RECQL: variants seen among roughly 807,000 people sequenced by gnomAD.
RECQL encodes the protein RecQ like helicase.
RECQL carries 73 observed loss-of-function variants against 75.8 expected under a neutral mutation model. The observed-to-expected ratio is 0.96, with a 90% CI of 0.80 to 1.17. RECQL has a LOEUF of 1.17. RECQL is among the 50% of genes most tolerant of loss of function. RECQL has a pLI of 0.00. For synonymous variants in RECQL, 248 were observed against 254.4 expected (o/e 0.97, Z 0.24); for missense variants, 699 against 772.1 (o/e 0.91, Z 1.12).
rs1942879757 is a variant in RECQL at position 21,469,597 on chromosome 12, C to T, written c.*597G>A. 1 of 151,174 alleles carries T rather than the reference C, an allele frequency of 6.6e-6. No homozygotes were observed. Among genetic ancestry groups the T allele is most frequent in the Admixed American group, 6.6e-5 (1 of 15,054 alleles). 9.4% of individuals were successfully genotyped at this position (151,174 alleles called of 1,614,324 possible). A position where few individuals can be genotyped will look rare whatever the true frequency, so the allele number is the denominator to read the frequency against. Reference sequence around the variant, plus strand: ...AAAAATATAGCTAAGTATATAAAGGCATAAAAAACTTAAGACAATTACATG... The same window carrying T: ...AAAAATATAGCTAAGTATATAAAGGTATAAAAAACTTAAGACAATTACATG... On this transcript the variant is annotated 3_prime_UTR_variant, in exon 15 of 15. Coordinates refer to ENST00000444129, the MANE Select transcript of RECQL (RefSeq NM_002907.4).
Position 21,471,406 on chromosome 12 carries a change from TAATG to T in RECQL, c.1667+18_1667+21del, listed in dbSNP as rs756445784. The T allele has an allele frequency of 3.2e-6, 5 of 1,577,886 alleles. No individual in the cohort carries two copies. The highest frequency in any genetic ancestry group is 1.2e-5 in the South Asian group (1 of 86,416). Reference sequence around the variant, plus strand: ...AAACCATAAAGACAACCTGAAAGAATAATGAATGAGTTTGTACATACTTAAGATA... The same window carrying T: ...AAACCATAAAGACAACCTGAAAGAATAATGAGTTTGTACATACTTAAGATA... On this transcript the variant is annotated intron_variant, in intron 13 of 14. Coordinates refer to ENST00000444129, the MANE Select transcript of RECQL (RefSeq NM_002907.4).
chr12:21,488,728 T>C (rs1463034890), intron 4 of RECQL, among the ~76,000 whole-genome samples: 3 of 152,206 alleles, frequency 2.0e-5, no homozygotes, highest in Non-Finnish European at 4.4e-5. Context: ...CCAAGTCCCA[T>C]TGAATCTATC....
intron 11 of RECQL, among the ~76,000 whole-genome samples, chr12:21,474,173 T>G (rs1175212313): frequency 6.6e-6 from 1 of 152,098 alleles, no homozygotes; most frequent in Admixed American, 6.6e-5. Context: ...AATATTTGAG[T>G]TGAAACCTTA....
Position 21,471,716 on chromosome 12 carries a change from A to C in RECQL, c.1448-69T>G, listed in dbSNP as rs1166173348. On this transcript the variant is annotated intron_variant, in intron 12 of 14. Transcript: ENST00000444129. ...ATGAGGGCAAAGATAGGCTATCTTA[A>C]GTAGTTAAACTGGTTTAAAGCTGGT... is the stretch of plus-strand genomic sequence containing the variant. 4 of 1,268,334 alleles carry C rather than the reference A, an allele frequency of 3.2e-6. No homozygotes were observed. The African/African-American group carries it at 5.9e-5, about 19-fold the overall frequency. 78.6% of individuals were successfully genotyped at this position (1,268,334 alleles called of 1,614,324 possible).
chr12:21,496,504 A>G (rs1386714296), intron 2 of RECQL, among the ~76,000 whole-genome samples: 1 of 152,138 alleles, frequency 6.6e-6, no homozygotes, highest in African/African-American at 2.4e-5. Flanking sequence ...TTCCCTTTTC[A>G]TTCCACCAGA....
intron 5 of RECQL, 100 bp downstream of exon 5, chr12:21,486,379 T>C (rs573359208): frequency 2.0e-5 from 28 of 1,370,638 alleles, no homozygotes; most frequent in Admixed American, 3.1e-5. Flanking sequence ...CTGATATAAA[T>C]AGTTAACAGT....
intron 7 of RECQL, 86 bp downstream of exon 7, chr12:21,477,717 G>T: frequency 1.8e-6 from 2 of 1,134,556 alleles, no homozygotes; most frequent in Non-Finnish European, 2.5e-6. Context: ...GTACTTAACT[G>T]CTCATGTAAA....
chr12:21,473,728 G>T, intron 11 of RECQL, 86 bp from the exon 12 acceptor site: 1 of 1,066,702 alleles, frequency 9.4e-7, no homozygotes, highest in Non-Finnish European at 1.4e-6. Flanking sequence ...GTTATATACT[G>T]TATTAGCTTC....
At chr12:21,472,700 C>T (rs140293401) in intron 12 of RECQL, among the ~76,000 whole-genome samples, 189 of 152,100 alleles carry the variant, frequency 1.2e-3, no homozygotes, top group African/African-American at 4.3e-3. Flanking sequence ...TTGACCAGAT[C>T]CTGTTTTGAT....
At chr12:21,473,703 A>G in intron 11 of RECQL, 61 bp from the exon 12 acceptor site, 1 of 1,397,658 alleles carries the variant, frequency 7.2e-7, no homozygotes. Context: ...AAGAATCTCT[A>G]TTTCAGCTTA....
At chr12:21,491,865 T>C (rs1943421638) in intron 2 of RECQL, 149 bp from the exon 3 acceptor site, 1 of 711,990 alleles carries the variant, frequency 1.4e-6, no homozygotes, top group East Asian at 2.8e-5. Flanking sequence ...TTTTGAGTCA[T>C]ATAGACCTAA....
In RECQL at chr12:21,474,949, A is replaced by C; in HGVS notation, c.1247T>G (p.Leu416Trp). Residue 416 changes from leucine to tryptophan, a missense_variant, in exon 11 of 15, where the codon TTG becomes TGG. Leu to Trp is a moderately conservative substitution (Grantham distance 61). Around this residue, in one of 2 missense-constraint regions of RECQL, gnomAD observed 669 missense variants for 713.5 expected, o/e 0.94. Transcript: ENST00000444129. ...GAATATATCTCCAAAGCCGTAGTAC[A>C]AAATACAGTCTGCTTTCATGTCATC... is the stretch of plus-strand genomic sequence containing the variant. ...GRDDMKADCI[L>W]YYGFGDIFRI... 1 of 1,613,040 alleles carries C rather than the reference A, an allele frequency of 6.2e-7. No homozygotes were observed. Among genetic ancestry groups the C allele is most frequent in the South Asian group, 1.1e-5 (1 of 91,036 alleles).
rs1943303808 is a variant in RECQL at position 21,486,603 on chromosome 12, A to G, written c.395-18T>C. 1.9e-6 allele frequency: 3 copies of G among 1,560,346 alleles called. No individual in the cohort carries two copies. The highest frequency in any genetic ancestry group is 2.6e-6 in the Non-Finnish European group (3 of 1,155,612). On this transcript the variant is annotated intron_variant, in intron 4 of 14. Transcript: ENST00000444129. ...TGTAAAACCTAAAAGAGAAAAAAAA[A>G]AAAATCTACCTTAAACTTTACACCA...
At chr12:21,488,888 C>T (rs376145538) in intron 4 of RECQL, among the ~76,000 whole-genome samples, 9 of 152,322 alleles carry the variant, frequency 5.9e-5, no homozygotes, top group East Asian at 3.9e-4. Flanking sequence ...CATGTCTTAC[C>T]ACTGACTGCC....
At chr12:21,495,886 A>T (rs1943498803) in intron 2 of RECQL, among the ~76,000 whole-genome samples, 1 of 152,200 alleles carries the variant, frequency 6.6e-6, no homozygotes, top group Admixed American at 6.5e-5. Flanking sequence ...AGTGATATAC[A>T]GTGGGCCTTC....
At chr12:21,480,072 TAAATA>T (rs1305710335) in intron 6 of RECQL, among the ~76,000 whole-genome samples, 3 of 152,052 alleles carry the variant, frequency 2.0e-5, no homozygotes, top group Non-Finnish European at 4.4e-5. Flanking sequence ...AGTAAACCAA[TAAATA>T]TGCCATTAGA....
At chr12:21,486,614 T>G in intron 4 of RECQL, 29 bp from the exon 5 acceptor site, 1 of 1,245,780 alleles carries the variant, frequency 8.0e-7, no homozygotes, top group Non-Finnish European at 1.1e-6. Flanking sequence ...AAAATCTACC[T>G]TAAACTTTAC....
intron 7 of RECQL, among the ~76,000 whole-genome samples, chr12:21,477,211 C>T (rs1382240686): frequency 6.6e-6 from 1 of 152,020 alleles, no homozygotes; most frequent in African/African-American, 2.4e-5. Flanking sequence ...AGAGCAAGCA[C>T]ATGAGCAGTG....
At position 21,476,986 on chromosome 12, in the gene RECQL, G is replaced by C. The variant is rs762091869; in HGVS notation, c.874C>G (p.Gln292Glu). 2 of 1,603,794 alleles carry C rather than the reference G, an allele frequency of 1.2e-6. No individual in the cohort carries two copies. Among genetic ancestry groups the C allele is most frequent in the South Asian group, 1.1e-5 (1 of 88,794 alleles). ...NRPNLYYEVR[Q>E]KPSNTEDFIE... Reference sequence around the variant, plus strand: ...AAATCTTCAGTGTTTGAGGGCTTCTGCCGAACCTAAAAAAAACTTAACTTA... The same window carrying C: ...AAATCTTCAGTGTTTGAGGGCTTCTCCCGAACCTAAAAAAAACTTAACTTA... The change falls in exon 8 of 15, where the codon CAG (glutamine) becomes GAG (glutamate). Residue 292 changes from glutamine to glutamate, a missense_variant. Physicochemically the swap from Gln to Glu is conservative, Grantham distance 29. Transcript: ENST00000444129.
Sources: gnomAD v4.1 joint callset for allele counts (sites outside exome capture counted in the v4.1 genomes callset) on GRCh38, gnomAD v4.1.1 for gene constraint, gnomAD v4.1.1 regional missense constraint, MANE v1.5 for transcripts, NCBI Gene and HGNC (gene_info 2026-07-23, HGNC 2026-07-21) for gene names.